PKHD1: variants seen among roughly 807,000 people sequenced by gnomAD.
The protein encoded by PKHD1 is fibrocystin.
PKHD1 carries 291 observed loss-of-function variants against 412.0 expected under a neutral mutation model. That is an observed-to-expected ratio of 0.71 (90% CI 0.64 to 0.78). The LOEUF (loss-of-function observed/expected upper bound fraction) is 0.78, where lower values mean the gene tolerates loss of function less well. PKHD1 is among the 30% of genes least tolerant of loss of function. The probability of loss-of-function intolerance (pLI) is 0.00; values close to 1 mark genes in which losing one functional copy is unlikely to be tolerated. For synonymous variants in PKHD1, 1,777 were observed against 1,821.5 expected (o/e 0.98, Z 0.62); for missense variants, 4,825 against 4,950.7 (o/e 0.97, Z 0.76).
rs201220508 is a variant in PKHD1 at position 51,883,231 on chromosome 6, T to A, written c.7216-4A>T. The A allele has an allele frequency of 6.2e-7, 1 of 1,612,950 alleles. No individual in the cohort carries two copies. Among genetic ancestry groups the A allele is most frequent in the Non-Finnish European group, 8.5e-7 (1 of 1,179,030 alleles). On this transcript the variant is annotated splice_region_variant and splice_polypyrimidine_tract_variant and intron_variant, in intron 45 of 66. Transcript: ENST00000371117. Reference sequence around the variant, plus strand: ...GAAGATTGCTACTTCTAAAAATCTATAAAATACAGCATGTTACAGCAAAGG... The same window carrying A: ...GAAGATTGCTACTTCTAAAAATCTAAAAAATACAGCATGTTACAGCAAAGG...
At chr6:51,993,755 T>C (rs1425116846) in intron 35 of PKHD1, among the ~76,000 whole-genome samples, 4 of 152,184 alleles carry the variant, frequency 2.6e-5, no homozygotes, top group Non-Finnish European at 5.9e-5. Flanking sequence ...TGGGGGATGA[T>C]AGTCAATTCG....
chr6:52,049,714 T>C (rs1338942683), intron 22 of PKHD1, among the ~76,000 whole-genome samples: 3 of 152,186 alleles, frequency 2.0e-5, no homozygotes, highest in African/African-American at 7.2e-5. Context: ...AAATAGCTAT[T>C]TTTCTTCTCT....
At chr6:51,949,084 G>C (rs2127858771) in intron 36 of PKHD1, among the ~76,000 whole-genome samples, 1 of 152,232 alleles carries the variant, frequency 6.6e-6, no homozygotes, top group South Asian at 2.1e-4. Context: ...AGGGATCTGA[G>C]AACCCCAATT....
intron 35 of PKHD1, among the ~76,000 whole-genome samples, chr6:51,982,842 AAAAT>A (rs1158209499): frequency 1.9e-4 from 28 of 144,862 alleles, no homozygotes; most frequent in African/African-American, 6.7e-4. Flanking sequence ...AAAAAATAAA[AAAAT>A]AAAAAAATAA....
At chr6:51,920,174 G>C (rs1018307134) in intron 37 of PKHD1, among the ~76,000 whole-genome samples, 4 of 152,236 alleles carry the variant, frequency 2.6e-5, no homozygotes, top group Non-Finnish European at 5.9e-5. Flanking sequence ...TTGAATAGGC[G>C]TGGTGAGAGA....
chr6:52,055,556 C>A (rs375922517), intron 19 of PKHD1, 31 bp downstream of exon 19: 4 of 1,613,420 alleles, frequency 2.5e-6, no homozygotes, highest in East Asian at 2.2e-5. Context: ...ACCTACCCAC[C>A]TGACCCAGAA....
intron 60 of PKHD1, among the ~76,000 whole-genome samples, chr6:51,675,698 C>T (rs989452220): frequency 6.6e-5 from 10 of 152,194 alleles, no homozygotes; most frequent in Admixed American, 3.9e-4. Context: ...ATAAGTGACA[C>T]AGCCTGTCAG....
chr6:51,836,948 A>C (rs1769342798), intron 50 of PKHD1, among the ~76,000 whole-genome samples: 1 of 152,098 alleles, frequency 6.6e-6, no homozygotes, highest in Non-Finnish European at 1.5e-5. Flanking sequence ...TCCTCCTCCT[A>C]TCATCCAAGC....
In PKHD1 at chr6:52,010,426, A is replaced by G. The variant is rs2128117356; in HGVS notation, c.5634T>C (p.Tyr1878=). 16 of 1,608,632 alleles carry G rather than the reference A, an allele frequency of 9.9e-6. No homozygotes were observed. The highest frequency in any genetic ancestry group is 1.4e-5 in the Non-Finnish European group (16 of 1,175,034). ...CCATGGTAATGTTACAGGAGCTATT[A>G]TAGATGAGAACTTCATCTCTTTCCA... The part of the protein sequence containing the change: ...PKLERDEVLI[Y]NSSCNITMET... The change falls in exon 35 of 67, where the codon TAT becomes TAC. Residue 1878 remains tyrosine (Y), a synonymous_variant. Coordinates refer to ENST00000371117, the MANE Select transcript of PKHD1 (RefSeq NM_138694.4).
intron 31 of PKHD1, 114 bp downstream of exon 31, chr6:52,027,715 C>G (rs1802433421): frequency 8.9e-6 from 7 of 789,322 alleles, no homozygotes; most frequent in Non-Finnish European, 1.6e-5. Context: ...GAAAGTTTCT[C>G]TCCTGTTTCC....
intron 43 of PKHD1, among the ~76,000 whole-genome samples, chr6:51,898,602 G>T (rs9382047): frequency 0.27 from 34,627 of 128,470 alleles, 5,504 homozygotes; most frequent in East Asian, 0.7. Context: ...ACAATTAAAA[G>T]AACTAGAAAA....
At chr6:51,806,568 C>T (rs149849032) in intron 52 of PKHD1, among the ~76,000 whole-genome samples, 3 of 152,202 alleles carry the variant, frequency 2.0e-5, no homozygotes, top group East Asian at 3.9e-4. Context: ...TAGGTCTGAT[C>T]CTTGGGAAAA....
intron 55 of PKHD1, among the ~76,000 whole-genome samples, chr6:51,768,519 A>C (rs1789516622): frequency 6.6e-6 from 1 of 152,018 alleles, no homozygotes; most frequent in Non-Finnish European, 1.5e-5. Context: ...TTAAAAGTTT[A>C]CTACTTGTAT....
At chr6:51,903,447 G>A (rs1426307556) in intron 43 of PKHD1, 150 bp downstream of exon 43, 17 of 685,870 alleles carry the variant, frequency 2.5e-5, no homozygotes, top group African/African-American at 8.9e-5. Context: ...TGTCATTAGC[G>A]TTAGTGCATT....
chr6:51,783,579 AAAC>A (rs1792382644), intron 53 of PKHD1, among the ~76,000 whole-genome samples: 1 of 151,952 alleles, frequency 6.6e-6, no homozygotes, highest in African/African-American at 2.4e-5. Context: ...TTGATATCTA[AAAC>A]AACAAGGAAC....
intron 4 of PKHD1, 51 bp downstream of exon 4, chr6:52,082,341 A>G (rs747232832): frequency 1.5e-5 from 24 of 1,584,758 alleles, no homozygotes; most frequent in Non-Finnish European, 2.1e-5. Flanking sequence ...ATACTGAGAT[A>G]AGCAAAAATC....
At chr6:51,759,540 C>A (rs1242315476) in intron 55 of PKHD1, among the ~76,000 whole-genome samples, 1 of 151,512 alleles carries the variant, frequency 6.6e-6, no homozygotes, top group Non-Finnish European at 1.5e-5. Flanking sequence ...AAACTATTCT[C>A]CAGTAGAAAA....
intron 50 of PKHD1, 22 bp from the exon 51 acceptor site, chr6:51,836,491 TTGCA>T (rs762100422): frequency 6.5e-7 from 1 of 1,529,748 alleles, no homozygotes; most frequent in Non-Finnish European, 9.1e-7. Flanking sequence ...AAGCCACAAC[TTGCA>T]TGTGATACAA....
At chr6:52,015,032 T>C (rs960261798) in intron 34 of PKHD1, among the ~76,000 whole-genome samples, 1 of 152,138 alleles carries the variant, frequency 6.6e-6, no homozygotes, top group Non-Finnish European at 1.5e-5. Context: ...TGGATACATC[T>C]TTCCAGCCTT....
Sources: allele counts gnomAD v4.1 joint callset (sites outside exome capture counted in the v4.1 genomes callset), GRCh38; gene constraint gnomAD v4.1.1; transcripts MANE v1.5; gene names NCBI Gene and HGNC (gene_info 2026-07-23, HGNC 2026-07-21).